The following NALCN variants were observed in gnomAD, a reference collection of about 807,000 sequenced individuals.
NALCN encodes the protein sodium leak channel, non-selective.
A neutral mutation model predicts 225.3 loss-of-function variants in NALCN; 111 were observed. The observed-to-expected ratio is 0.49, with a 90% CI of 0.42 to 0.58. The LOEUF (loss-of-function observed/expected upper bound fraction) is 0.58, where lower values mean the gene tolerates loss of function less well. Among genes scored for constraint, NALCN ranks in the 20% least tolerant of loss-of-function variants. The pLI, the probability that NALCN is intolerant of heterozygous loss-of-function variation, is 0.00. For synonymous variants in NALCN, 764 were observed against 769.0 expected (o/e 0.99, Z 0.11); for missense variants, 1,378 against 2,202.4 (o/e 0.63, Z 7.49).
chr13:101,165,298 C>T (rs920296643), intron 15 of NALCN, among the ~76,000 whole-genome samples: 1 of 152,192 alleles, frequency 6.6e-6, no homozygotes, highest in Non-Finnish European at 1.5e-5. Flanking sequence ...CTTCCTTACC[C>T]GTCATTGATT....
intron 17 of NALCN, among the ~76,000 whole-genome samples, chr13:101,126,343 T>A (rs183923122): frequency 6.6e-6 from 1 of 152,144 alleles, no homozygotes. Context: ...CTAGAACTCT[T>A]AGGAGAAAAA....
chr13:101,184,420 C>T (rs184081143), intron 14 of NALCN, among the ~76,000 whole-genome samples: 129 of 152,166 alleles, frequency 8.5e-4, no homozygotes, highest in African/African-American at 3.0e-3. Flanking sequence ...TTCTCTAATA[C>T]CTCCTCTTCC....
intron 11 of NALCN, among the ~76,000 whole-genome samples, chr13:101,247,140 G>A (rs902644705): frequency 2.6e-5 from 4 of 152,160 alleles, no homozygotes; most frequent in African/African-American, 9.7e-5. Flanking sequence ...AGGTAAAGAT[G>A]AGAACCTTCA....
intron 7 of NALCN, among the ~76,000 whole-genome samples, chr13:101,302,570 T>A (rs1043746285): frequency 6.6e-6 from 1 of 152,188 alleles, no homozygotes; most frequent in African/African-American, 2.4e-5. Flanking sequence ...AAGTTCTTAT[T>A]TGTATTACGA....
intron 38 of NALCN, 107 bp from the exon 39 acceptor site, chr13:101,068,140 TA>T: frequency 1.4e-6 from 1 of 702,132 alleles, no homozygotes. Flanking sequence ...ACCTATATCA[TA>T]AGCCAAATTT....
intron 17 of NALCN, among the ~76,000 whole-genome samples, chr13:101,130,496 CAT>C (rs1486841687): frequency 6.6e-6 from 1 of 152,130 alleles, no homozygotes; most frequent in Non-Finnish European, 1.5e-5. Context: ...TTATCTGAGG[CAT>C]GTTTTTTAGT....
In NALCN at chr13:101,095,696, A is replaced by G; in HGVS notation, c.3163-16T>C. Reference sequence around the variant, plus strand: ...TGCAATCTTCCTAAAGTAGAAAAACAAGAGGAGAGGGGAAACCTGGTCAGA... The same window carrying G: ...TGCAATCTTCCTAAAGTAGAAAAACGAGAGGAGAGGGGAAACCTGGTCAGA... On this transcript the variant is annotated splice_polypyrimidine_tract_variant and intron_variant, in intron 27 of 43. Transcript: ENST00000251127. The G allele has an allele frequency of 6.3e-7, 1 of 1,590,072 alleles. No homozygotes were observed. The highest frequency in any genetic ancestry group is 8.6e-7 in the Non-Finnish European group (1 of 1,162,224).
At chr13:101,300,299 C>G (rs189554694) in intron 7 of NALCN, among the ~76,000 whole-genome samples, 1 of 151,516 alleles carries the variant, frequency 6.6e-6, no homozygotes, top group African/African-American at 2.4e-5. Context: ...TTCCTTCCTT[C>G]CCTCCTTCTT....
chr13:101,378,610 C>A lies in NALCN; in HGVS notation c.335G>T (p.Gly112Val). The A allele has an allele frequency of 6.2e-7, 1 of 1,610,128 alleles. No homozygotes were observed. Among genetic ancestry groups the A allele is most frequent in the Non-Finnish European group, 8.5e-7 (1 of 1,177,784 alleles). ...AACCCAAAGGCAAAAGACCATAAAT[C>A]CATCAAAAACACACCAGCGATCTTT... is the stretch of plus-strand genomic sequence containing the variant. ...YVKDRWCVFDGFMVFCLWVSL... is the reference protein window; with the variant it reads ...YVKDRWCVFDVFMVFCLWVSL... Residue 112 changes from glycine (G) to valine (V), a missense_variant, in exon 4 of 44, where the codon GGA becomes GTA. This residue lies in a region of NALCN where 146 missense variants were observed against 205.9 expected (regional missense o/e 0.71). Coordinates refer to ENST00000251127, the MANE Select transcript of NALCN (RefSeq NM_052867.4).
chr13:101,280,682 G>C (rs568273263), intron 10 of NALCN, among the ~76,000 whole-genome samples: 19 of 152,130 alleles, frequency 1.2e-4, no homozygotes, highest in African/African-American at 4.6e-4. Flanking sequence ...TTTTCAGCTG[G>C]ATAAAGCATG....
chr13:101,358,745 C>T (rs1467787936), intron 6 of NALCN, among the ~76,000 whole-genome samples: 8 of 152,266 alleles, frequency 5.3e-5, no homozygotes, highest in East Asian at 1.9e-4. Flanking sequence ...TACATGTACA[C>T]GTATGTTTCT....
At chr13:101,331,229 A>T (rs1443750043) in intron 7 of NALCN, among the ~76,000 whole-genome samples, 3 of 152,174 alleles carry the variant, frequency 2.0e-5, no homozygotes. Flanking sequence ...GAGAGTTAGA[A>T]AATATGGAAG....
intron 34 of NALCN, among the ~76,000 whole-genome samples, chr13:101,079,320 T>C (rs924585397): frequency 2.0e-5 from 3 of 152,238 alleles, no homozygotes; most frequent in African/African-American, 7.2e-5. Flanking sequence ...GTTTTTAGGA[T>C]GAGAATCTGA....
At chr13:101,209,392 T>G (rs1313656670) in intron 13 of NALCN, among the ~76,000 whole-genome samples, 1 of 152,216 alleles carries the variant, frequency 6.6e-6, no homozygotes, top group East Asian at 1.9e-4. Context: ...AAGTGTATAT[T>G]TGCTAGAAAA....
intron 2 of NALCN, among the ~76,000 whole-genome samples, chr13:101,395,861 G>T (rs1594781036): frequency 6.6e-6 from 1 of 151,952 alleles, no homozygotes; most frequent in African/African-American, 2.4e-5. Context: ...TAGCACAAGG[G>T]CCTATCATAG....
Position 101,103,251 on chromosome 13 carries a change from G to A in NALCN, c.2978C>T (p.Pro993Leu). Reference protein sequence around the residue: ...QLLMVLRCLRPLRIFKLVPQM... With the variant: ...QLLMVLRCLRLLRIFKLVPQM... ...GGGCACCAGTTTGAATATGCGCAGA[G>A]GTCTCAGGCACCGAAGGACCATTAG... is the stretch of plus-strand genomic sequence containing the variant. Residue 993 changes from proline to leucine, a missense_variant, in exon 26 of 44, where the codon CCT becomes CTT. Pro to Leu is a moderately conservative substitution (Grantham distance 98). Coordinates refer to ENST00000251127, the MANE Select transcript of NALCN (RefSeq NM_052867.4). 1.2e-6 allele frequency: 2 copies of A among 1,613,996 alleles called. No homozygotes were observed. The highest frequency in any genetic ancestry group is 1.7e-4 in the Middle Eastern group (1 of 6,060).
intron 13 of NALCN, among the ~76,000 whole-genome samples, chr13:101,204,787 G>A (rs2040251248): frequency 6.6e-6 from 1 of 152,118 alleles, no homozygotes; most frequent in East Asian, 1.9e-4. Context: ...ACAAGGTCAT[G>A]AATTTGTACT....
intron 15 of NALCN, among the ~76,000 whole-genome samples, chr13:101,147,241 A>G (rs1216141973): frequency 1.3e-5 from 2 of 152,064 alleles, no homozygotes; most frequent in Non-Finnish European, 2.9e-5. Flanking sequence ...TGCTTTCTCC[A>G]TCTGCTTCAG....
chr13:101,141,923 A>C (rs1441403639), intron 17 of NALCN, among the ~76,000 whole-genome samples: 1 of 152,200 alleles, frequency 6.6e-6, no homozygotes, highest in African/African-American at 2.4e-5. Flanking sequence ...CAAGTGAACT[A>C]GATGTTTTTG....
Sources: allele counts gnomAD v4.1 joint callset (sites outside exome capture counted in the v4.1 genomes callset), GRCh38; gene constraint gnomAD v4.1.1; regional missense constraint gnomAD v4.1.1; transcripts MANE v1.5; gene names NCBI Gene and HGNC (gene_info 2026-07-23, HGNC 2026-07-21).